The following RUNX2 variants were observed in gnomAD, a reference collection of about 807,000 sequenced individuals.
RUNX2 encodes RUNX family transcription factor 2.
A neutral mutation model predicts 51.7 loss-of-function variants in RUNX2; 10 were observed. That is an observed-to-expected ratio of 0.19 (90% CI 0.12 to 0.33). The LOEUF (loss-of-function observed/expected upper bound fraction) is 0.33. Among genes scored for constraint, RUNX2 ranks in the 10% least tolerant of loss-of-function variants. The pLI is 1.00. For synonymous variants in RUNX2, 276 were observed against 273.6 expected, an observed-to-expected ratio of 1.01 and a Z score of -0.09; for missense variants, 562 against 691.3, an observed-to-expected ratio of 0.81 and a Z score of 2.10.
intron 3 of RUNX2, among the ~76,000 whole-genome samples, chr6:45,426,035 A>G (rs1189849901): frequency 1.3e-5 from 2 of 152,192 alleles, no homozygotes; most frequent in Non-Finnish European, 2.9e-5. Flanking sequence ...CTGTTTTGAA[A>G]TGTCAGTTTA....
chr6:45,422,051 C>T (rs1426000962), intron 2 of RUNX2: 1 of 147,508 alleles, frequency 6.8e-6, no homozygotes, highest in Non-Finnish European at 1.5e-5. Flanking sequence ...GGCGGCGGCG[C>T]GGGAGGGCGG....
chr6:45,546,744 C>G, intron 8 of RUNX2, 83 bp from the exon 9 acceptor site: 2 of 1,236,262 alleles, frequency 1.6e-6, no homozygotes, highest in South Asian at 1.2e-5. Context: ...AAAGTTTTCT[C>G]TTTTTTTTTC....
chr6:45,402,912 A>G (rs1400592489), intron 2 of RUNX2, among the ~76,000 whole-genome samples: 3 of 152,214 alleles, frequency 2.0e-5, no homozygotes, highest in Non-Finnish European at 4.4e-5. Context: ...AAACACACTG[A>G]AATATCTATT....
At chr6:45,521,664 T>C (rs998304516) in intron 7 of RUNX2, among the ~76,000 whole-genome samples, 3 of 152,212 alleles carry the variant, frequency 2.0e-5, no homozygotes, top group Non-Finnish European at 2.9e-5. Flanking sequence ...TCATTTCTCA[T>C]AGTCTTATCT....
chr6:45,541,003 G>T (rs1459080359), intron 7 of RUNX2, among the ~76,000 whole-genome samples: 2 of 152,208 alleles, frequency 1.3e-5, no homozygotes, highest in African/African-American at 4.8e-5. Context: ...AGGTTTTATA[G>T]GTATGGAATG....
intron 5 of RUNX2, among the ~76,000 whole-genome samples, chr6:45,478,303 T>G (rs573361900): frequency 6.6e-6 from 1 of 152,384 alleles, no homozygotes; most frequent in African/African-American, 2.4e-5. Context: ...ATATTTTAAT[T>G]GATAAGTGAA....
chr6:45,351,121 C>G (rs1365250486), intron 2 of RUNX2, among the ~76,000 whole-genome samples: 1 of 152,164 alleles, frequency 6.6e-6, no homozygotes, highest in Non-Finnish European at 1.5e-5. Context: ...GAAAAAATGC[C>G]TTCCACGAAA....
intron 4 of RUNX2, among the ~76,000 whole-genome samples, chr6:45,437,098 A>G (rs956753000): frequency 6.6e-6 from 1 of 152,236 alleles, no homozygotes; most frequent in African/African-American, 2.4e-5. Flanking sequence ...CTTCTGGAGA[A>G]AACAGACATC....
intron 2 of RUNX2, among the ~76,000 whole-genome samples, chr6:45,408,358 A>G (rs1178384896): frequency 2.0e-5 from 3 of 152,042 alleles, no homozygotes; most frequent in Non-Finnish European, 4.4e-5. Context: ...TCCTAGGCAT[A>G]TCACTTTTAG....
chr6:45,357,213 T>G (rs889649101), intron 2 of RUNX2, among the ~76,000 whole-genome samples: 1 of 152,136 alleles, frequency 6.6e-6, no homozygotes, highest in African/African-American at 2.4e-5. Context: ...TTCACCATGT[T>G]AGCCAGGATG....
chr6:45,392,020 A>G (rs1024138890), intron 2 of RUNX2, among the ~76,000 whole-genome samples: 4 of 152,108 alleles, frequency 2.6e-5, no homozygotes, highest in African/African-American at 9.7e-5. Context: ...AGGCTCTCAT[A>G]TATGTAGTCA....
rs1799936443 is a variant in RUNX2, at chr6:45,475,672, C to G, written c.686-16269C>G. ...ATTGATCTCCCCTACTAGAGCTGTA[C>G]CACTACAATATGATAACGTTTTGCA... On this transcript the variant is annotated intron_variant, in intron 5 of 8. Transcript: ENST00000647337. Among the ~76,000 whole-genome samples, 3 of 152,146 alleles carry G rather than the reference C, an allele frequency of 2.0e-5. No individual in the cohort carries two copies. In the South Asian group the frequency reaches 6.2e-4, roughly 32 times the overall value.
At chr6:45,353,893 A>G (rs536702817) in intron 2 of RUNX2, among the ~76,000 whole-genome samples, 4 of 152,174 alleles carry the variant, frequency 2.6e-5, no homozygotes, top group Admixed American at 6.5e-5. Context: ...TGCCTTTAGT[A>G]TATCAAAGGT....
At chr6:45,472,244 AGG>A (rs1456177548) in intron 5 of RUNX2, among the ~76,000 whole-genome samples, 1 of 152,216 alleles carries the variant, frequency 6.6e-6, no homozygotes, top group African/African-American at 2.4e-5. Flanking sequence ...ATTACTGGAA[AGG>A]AAAGTGAGCA....
At chr6:45,357,073 C>T in intron 2 of RUNX2, among the ~76,000 whole-genome samples, 1 of 152,170 alleles carries the variant, frequency 6.6e-6, no homozygotes, top group East Asian at 1.9e-4. Flanking sequence ...GTGGCACGAT[C>T]TCGGCTCACT....
At chr6:45,518,065 C>T (rs568973326) in intron 7 of RUNX2, among the ~76,000 whole-genome samples, 49 of 152,326 alleles carry the variant, frequency 3.2e-4, no homozygotes, top group Admixed American at 1.1e-3. Flanking sequence ...TACTAATAAA[C>T]CAGAAAGTTA....
chr6:45,346,857 G>A (rs761623849), intron 2 of RUNX2, among the ~76,000 whole-genome samples: 6 of 152,082 alleles, frequency 3.9e-5, no homozygotes, highest in Admixed American at 6.6e-5. Context: ...GAGCCATCGC[G>A]CCGGGCCTCA....
intron 3 of RUNX2, among the ~76,000 whole-genome samples, chr6:45,428,010 C>T (rs1798430457): frequency 6.6e-6 from 1 of 152,144 alleles, no homozygotes; most frequent in Admixed American, 6.5e-5. Context: ...TTCTCCTTTT[C>T]TCATGGAGTT....
chr6:45,519,834 G>A (rs9472498), intron 7 of RUNX2, among the ~76,000 whole-genome samples: 1,830 of 137,118 alleles, frequency 0.013, 52 homozygotes, highest in African/African-American at 0.049. Context: ...GTGTGTGTGT[G>A]TGTATATATT....
Sources: gnomAD v4.1 joint callset for allele counts (sites outside exome capture counted in the v4.1 genomes callset) on GRCh38, gnomAD v4.1.1 for gene constraint, MANE v1.5 for transcripts, NCBI Gene and HGNC (gene_info 2026-07-23, HGNC 2026-07-21) for gene names.